Variants in EZH1 observed in about 807,000 individuals in gnomAD.
The protein encoded by EZH1 is histone-lysine N-methyltransferase EZH1.
A neutral mutation model predicts 100.5 loss-of-function variants in EZH1; 33 were observed. That is an observed-to-expected ratio of 0.33 (90% CI 0.25 to 0.44). EZH1 has a LOEUF of 0.44. Among genes scored for constraint, EZH1 ranks in the 20% least tolerant of loss-of-function variants. The pLI, the probability that EZH1 is intolerant of heterozygous loss-of-function variation, is 1.00. For missense variants in EZH1, 475 were observed against 928.4 expected (o/e 0.51, Z 6.35); for synonymous variants, 272 against 313.8 (o/e 0.87, Z 1.41).
intron 10 of EZH1, among the ~76,000 whole-genome samples, chr17:42,715,410 C>G (rs2053582664): frequency 6.6e-6 from 1 of 151,508 alleles, no homozygotes; most frequent in Non-Finnish European, 1.5e-5. Context: ...TCCAGTCCAG[C>G]TAATTTTTGT....
chr17:42,703,876 T>G, intron 18 of EZH1, 56 bp from the exon 19 acceptor site: 2 of 1,243,044 alleles, frequency 1.6e-6, no homozygotes, highest in South Asian at 2.4e-5. Context: ...CCACAGCTTC[T>G]CAGCTTGAAT....
rs527833221 is a variant in EZH1 at position 42,732,640 on chromosome 17, C to T, written c.-102-1722G>A. ...AAAATTAGCCTGGCGAGGTGGCGGG[C>T]GCCTGTAGTCCCAGCTACTTGGGAG... On this transcript the variant is annotated intron_variant, in intron 1 of 20. Transcript: ENST00000428826. Among the ~76,000 whole-genome samples, 5 of 152,156 alleles carry T rather than the reference C, an allele frequency of 3.3e-5. No homozygotes were observed. The South Asian group carries it at 8.3e-4, about 25-fold the overall frequency.
rs368020600 is a variant in EZH1, at chr17:42,728,741, CAA to C, written c.117+82_117+83del. The C allele has an allele frequency of 5.7e-3, 6,192 of 1,080,758 alleles. 1 individual carries two copies. The highest frequency in any genetic ancestry group is 9.6e-3 in the Middle Eastern group (38 of 3,964). 66.9% of individuals were successfully genotyped at this position (1,080,758 alleles called of 1,614,324 possible). A position where few individuals can be genotyped will look rare whatever the true frequency, so the allele number is the denominator to read the frequency against. ...TGGGTGACAGAGTGAGACTCTGTCTCAAAAAAAAAAAAAAATTCCAACCCCTT... is the reference window on the plus strand; with the variant it reads ...TGGGTGACAGAGTGAGACTCTGTCTCAAAAAAAAAAAAATTCCAACCCCTT... On this transcript the variant is annotated intron_variant, in intron 3 of 20. Coordinates refer to ENST00000428826, the MANE Select transcript of EZH1 (RefSeq NM_001991.5).
intron 1 of EZH1, among the ~76,000 whole-genome samples, chr17:42,735,206 C>T (rs2143867971): frequency 6.6e-6 from 1 of 152,038 alleles, no homozygotes; most frequent in Middle Eastern, 3.4e-3. Flanking sequence ...GGGTGGATCA[C>T]TTGAGGCCAG....
chr17:42,740,367 G>A lies in EZH1; in HGVS notation c.-103+4644C>T, dbSNP rs185035206. 3.2e-4 allele frequency among the ~76,000 whole-genome samples: 48 copies of A among 152,110 alleles called. No individual in the cohort carries two copies. The East Asian group carries it at 5.8e-3, about 18-fold the overall frequency. ...CGATTCTCCTGCCTCAGCCTCCCGC[G>A]TAGCTGGGACTACAGGTGCAAGCCA... is the stretch of plus-strand genomic sequence containing the variant. On this transcript the variant is annotated intron_variant, in intron 1 of 20. Transcript: ENST00000428826.
intron 10 of EZH1, among the ~76,000 whole-genome samples, chr17:42,716,610 A>G (rs971248600): frequency 4.6e-5 from 7 of 152,194 alleles, no homozygotes; most frequent in Non-Finnish European, 8.8e-5. Context: ...CTCCTGTGAG[A>G]AGGGCAATGA....
At position 42,706,455 on chromosome 17, in the gene EZH1, C is replaced by A. The variant is rs2053355571; in HGVS notation, c.1661-270G>T. ...ATCCTAGCACTTTGGGAGGCCAAGG[C>A]AGGAGAATCACCTGAGCCCAGGAGT... On this transcript the variant is annotated intron_variant, in intron 15 of 20. Coordinates refer to ENST00000428826, the MANE Select transcript of EZH1 (RefSeq NM_001991.5). This position sits in a 1 kb window ranked among gnomAD's most constrained non-coding sequence, Gnocchi z 4.4. Among the ~76,000 whole-genome samples the A allele has an allele frequency of 6.6e-6, 1 of 151,856 alleles. No homozygotes were observed. Among genetic ancestry groups the A allele is most frequent in the African/African-American group, 2.4e-5 (1 of 41,310 alleles).
rs188217363 is a variant in EZH1, at chr17:42,727,878, G to A, written c.118-115C>T. ...GTCACCCAGGCTGGAGTGTAGTAGC[G>A]CGATCTCAGCTCACCACAACCTCCG... is the stretch of plus-strand genomic sequence containing the variant. On this transcript the variant is annotated intron_variant, in intron 3 of 20. Transcript: ENST00000428826. 1.8e-4 allele frequency: 131 copies of A among 727,228 alleles called. 1 individual carries two copies. The African/African-American group carries it at 1.9e-3, about 10-fold the overall frequency. The allele number at this position is 727,228 out of a possible 1,614,324, so 45.0% of individuals were successfully genotyped here.
chr17:42,713,175 GAA>G, intron 11 of EZH1, 32 bp downstream of exon 11: 1 of 1,605,422 alleles, frequency 6.2e-7, no homozygotes. Context: ...TCCTTGCATG[GAA>G]AGAAAAAGTC....
At chr17:42,737,828 A>G (rs2054095098) in intron 1 of EZH1, among the ~76,000 whole-genome samples, 2 of 152,292 alleles carry the variant, frequency 1.3e-5, no homozygotes, top group South Asian at 4.1e-4. Flanking sequence ...ACTAGAATGT[A>G]GTCTGTCACT....
At chr17:42,722,564 G>T (rs900375597) in intron 6 of EZH1, among the ~76,000 whole-genome samples, 2 of 146,922 alleles carry the variant, frequency 1.4e-5, no homozygotes, top group Admixed American at 1.4e-4. Context: ...GGCAGAGATT[G>T]CAGTGAGCCT....
At chr17:42,715,619 C>A (rs1057370738) in intron 10 of EZH1, among the ~76,000 whole-genome samples, 1 of 151,862 alleles carries the variant, frequency 6.6e-6, no homozygotes, top group African/African-American at 2.4e-5. Context: ...AAAGAGGAGA[C>A]AGAAGAACAC....
intron 4 of EZH1, among the ~76,000 whole-genome samples, chr17:42,726,503 AT>A (rs2053824203): frequency 8.1e-6 from 1 of 123,706 alleles, no homozygotes; most frequent in South Asian, 2.6e-4. Context: ...ATGATAATTT[AT>A]TTTCATAAAG....
At chr17:42,704,708 T>G in intron 17 of EZH1, 25 bp from the exon 18 acceptor site, 1 of 1,602,050 alleles carries the variant, frequency 6.2e-7, no homozygotes, top group East Asian at 2.2e-5. Flanking sequence ...AAATAACAAA[T>G]AGGAGTATCA....
chr17:42,733,565 C>T (rs1490509215), intron 1 of EZH1, among the ~76,000 whole-genome samples: 2 of 139,894 alleles, frequency 1.4e-5, no homozygotes, highest in African/African-American at 2.7e-5. Context: ...GCCGTGAACC[C>T]GGGAGGTGGA....
At chr17:42,720,165 C>G in intron 7 of EZH1, 108 bp downstream of exon 7, 1 of 1,188,648 alleles carries the variant, frequency 8.4e-7, no homozygotes, top group Non-Finnish European at 1.2e-6. Flanking sequence ...TTAAGTGAAC[C>G]AACAAGAAGC....
rs1331320305 is a variant in EZH1, at chr17:42,702,368, G to A, written c.*164C>T. On this transcript the variant is annotated 3_prime_UTR_variant, in exon 21 of 21. Coordinates refer to ENST00000428826, the MANE Select transcript of EZH1 (RefSeq NM_001991.5). ...CTCTGTCTCCCCTCTCATTGAGACA[G>A]TTTTGTGCCCTCTGGACATGGCAGA... The A allele has an allele frequency of 1.8e-6, 1 of 550,350 alleles. No homozygotes were observed. Among genetic ancestry groups the A allele is most frequent in the African/African-American group, 1.9e-5 (1 of 53,258 alleles). The allele number at this position is 550,350 out of a possible 1,614,324, so 34.1% of individuals were successfully genotyped here. A position where few individuals can be genotyped will look rare whatever the true frequency, so the allele number is the denominator to read the frequency against.
intron 4 of EZH1, among the ~76,000 whole-genome samples, chr17:42,725,449 C>CT (rs1159484000): frequency 0.036 from 5,196 of 142,986 alleles, 268 homozygotes; most frequent in African/African-American, 0.11. Context: ...GCTAATTTTT[C>CT]TTTTTTTTTT....
chr17:42,707,536 G>A (rs1255286542), intron 15 of EZH1, among the ~76,000 whole-genome samples: 1 of 152,180 alleles, frequency 6.6e-6, no homozygotes, highest in Admixed American at 6.5e-5. Context: ...TGGGATTATA[G>A]GCGTGAGCCA....
Sources: gnomAD v4.1 joint callset for allele counts (sites outside exome capture counted in the v4.1 genomes callset) on GRCh38, gnomAD v4.1.1 for gene constraint, Gnocchi (gnomAD v3.1) non-coding constraint, MANE v1.5 for transcripts, NCBI Gene and HGNC (gene_info 2026-07-23, HGNC 2026-07-21) for gene names.